The following LRRC37A2 variants were observed in gnomAD, a reference collection of about 807,000 sequenced individuals.
LRRC37A2 encodes leucine rich repeat containing 37 member A2, also known as leucine-rich repeat-containing protein 37A2.
LRRC37A2 carries 9 observed loss-of-function variants against 68.8 expected under a neutral mutation model. The observed-to-expected ratio is 0.13, with a 90% CI of 0.08 to 0.23. The LOEUF is 0.23. Ranked by LOEUF, LRRC37A2 falls within the 10% of genes least tolerant of loss-of-function variation. LRRC37A2 has a pLI of 1.00. For missense variants in LRRC37A2, 168 were observed against 950.4 expected, an observed-to-expected ratio of 0.18 and a Z score of 10.82; for synonymous variants, 63 against 367.6, an observed-to-expected ratio of 0.17 and a Z score of 9.48.
chr17:46,831,776 C>T, the LRRC37A2 span, among the ~76,000 whole-genome samples: 9,960 of 152,312 alleles, frequency 0.065, 781 homozygotes, highest in African/African-American at 0.19. Flanking sequence ...CTGTGTGTCC[C>T]CGGACAAGGC....
At chr17:46,804,190 C>T in the LRRC37A2 span, among the ~76,000 whole-genome samples, 14 of 152,158 alleles carry the variant, frequency 9.2e-5, no homozygotes, top group African/African-American at 3.4e-4. Context: ...TGGGTTCAAG[C>T]GATTCTCCTG....
the LRRC37A2 span, among the ~76,000 whole-genome samples, chr17:46,503,018 C>T: frequency 1.3e-5 from 2 of 150,664 alleles, no homozygotes; most frequent in African/African-American, 2.5e-5. Context: ...GGAGATCATC[C>T]TGGCTAACAC....
the LRRC37A2 span, among the ~76,000 whole-genome samples, chr17:46,942,664 G>A: frequency 1.3e-5 from 2 of 152,228 alleles, no homozygotes; most frequent in Admixed American, 6.5e-5. Flanking sequence ...AACTGGAAGG[G>A]GAGGGAATCT....
At chr17:47,036,389 T>C in the LRRC37A2 span, among the ~76,000 whole-genome samples, 1 of 152,034 alleles carries the variant, frequency 6.6e-6, no homozygotes, top group East Asian at 1.9e-4. Context: ...AAAAATCCAG[T>C]TTGGAGAAGA....
chr17:46,963,023 T>C, the LRRC37A2 span, among the ~76,000 whole-genome samples: 3 of 152,158 alleles, frequency 2.0e-5, no homozygotes, highest in Non-Finnish European at 4.4e-5. Flanking sequence ...ACATGGCTAA[T>C]AAAGAATAGA....
At chr17:46,793,271 C>CT in the LRRC37A2 span, among the ~76,000 whole-genome samples, 5 of 16,758 alleles carry the variant, frequency 3.0e-4, no homozygotes, top group African/African-American at 6.6e-4. Flanking sequence ...GAGACCCTGT[C>CT]TAAAAAAAAA....
At chr17:46,876,624 T>A in the LRRC37A2 span, 1 of 1,611,094 alleles carries the variant, frequency 6.2e-7, no homozygotes, top group Middle Eastern at 1.7e-4. Flanking sequence ...AGCCGCCTGG[T>A]GGCCTTCTCC....
the LRRC37A2 span, among the ~76,000 whole-genome samples, chr17:46,782,487 C>T: frequency 3.9e-5 from 6 of 152,154 alleles, no homozygotes; most frequent in Non-Finnish European, 7.3e-5. Context: ...CCACCCTCCA[C>T]GGAAACTTCT....
At chr17:47,000,186 C>T in the LRRC37A2 span, among the ~76,000 whole-genome samples, 1 of 149,638 alleles carries the variant, frequency 6.7e-6, no homozygotes, top group Non-Finnish European at 1.5e-5. Context: ...CGGCATCATG[C>T]CTCACACACT....
the LRRC37A2 span, among the ~76,000 whole-genome samples, chr17:46,816,684 CACCAG>C: frequency 6.6e-6 from 1 of 152,004 alleles, no homozygotes; most frequent in African/African-American, 2.4e-5. Flanking sequence ...TACCATTTCA[CACCAG>C]AATCTACACC....
At chr17:47,019,797 T>C in the LRRC37A2 span, 4 of 1,200,796 alleles carry the variant, frequency 3.3e-6, 1 homozygote, top group Middle Eastern at 4.7e-4. Context: ...ACCTTCACCA[T>C]CTTGTAAGAA....
At chr17:47,000,106 TAA>T in the LRRC37A2 span, among the ~76,000 whole-genome samples, 3 of 133,906 alleles carry the variant, frequency 2.2e-5, no homozygotes, top group African/African-American at 7.8e-5. Flanking sequence ...TAAAATAAAA[TAA>T]AATAAAATAA....
the LRRC37A2 span, among the ~76,000 whole-genome samples, chr17:46,834,701 G>A: frequency 6.6e-6 from 1 of 152,094 alleles, no homozygotes; most frequent in Non-Finnish European, 1.5e-5. Context: ...CCCATGCAGA[G>A]GAGCCAGTTT....
chr17:46,498,882 C>CGT, the LRRC37A2 span, among the ~76,000 whole-genome samples: 2 of 150,390 alleles, frequency 1.3e-5, no homozygotes, highest in Admixed American at 1.3e-4. Context: ...TGTAGATATA[C>CGT]GTATATATAT....
chr17:47,004,956 C>A, the LRRC37A2 span, among the ~76,000 whole-genome samples: 21 of 152,194 alleles, frequency 1.4e-4, no homozygotes, highest in Non-Finnish European at 2.1e-4. Flanking sequence ...TGGTGGTAAC[C>A]CCTTAGCTTC....
chr17:47,008,333 G>C, the LRRC37A2 span, among the ~76,000 whole-genome samples: 1 of 151,900 alleles, frequency 6.6e-6, no homozygotes, highest in African/African-American at 2.4e-5. Flanking sequence ...GGATGGTCTT[G>C]ATCTCCTAAC....
the LRRC37A2 span, among the ~76,000 whole-genome samples, chr17:46,722,522 C>T: frequency 4.6e-5 from 7 of 152,286 alleles, no homozygotes; most frequent in South Asian, 2.1e-4. Flanking sequence ...TGCAGCTTCC[C>T]GGCTTAGTAT....
the LRRC37A2 span, among the ~76,000 whole-genome samples, chr17:46,770,319 AG>A: frequency 3.2e-4 from 49 of 152,352 alleles, no homozygotes; most frequent in Middle Eastern, 3.4e-3. Context: ...AGTGCCTGTT[AG>A]AAACAGGCGC....
chr17:46,940,699 A>C, the LRRC37A2 span: 15 of 1,608,454 alleles, frequency 9.3e-6, no homozygotes, highest in African/African-American at 1.1e-4. Context: ...GGTGTGCACC[A>C]GTGCTTTCCA....
Sources: allele counts gnomAD v4.1 joint callset (sites outside exome capture counted in the v4.1 genomes callset), GRCh38; gene constraint gnomAD v4.1.1; transcripts MANE v1.5; gene names NCBI Gene and HGNC (gene_info 2026-07-23, HGNC 2026-07-21).